Variants in EPHB2 observed in about 807,000 individuals in gnomAD.
The protein encoded by EPHB2 is EPH receptor B2, also known as ephrin type-B receptor 2.
In EPHB2, 18 loss-of-function variants were observed where a neutral mutation model predicts 96.4. The ratio of observed to expected loss-of-function variants is 0.19; its 90% CI spans 0.13 to 0.28. The LOEUF is 0.28. Ranked by LOEUF, EPHB2 falls within the 10% of genes least tolerant of loss-of-function variation. The probability of loss-of-function intolerance (pLI) is 1.00; values close to 1 mark genes in which losing one functional copy is unlikely to be tolerated. For synonymous variants in EPHB2, 506 were observed against 534.1 expected (o/e 0.95, Z 0.72); for missense variants, 989 against 1,355.4 (o/e 0.73, Z 4.25).
At position 22,758,198 on chromosome 1, in the gene EPHB2, G is replaced by A. The variant is rs376768660; in HGVS notation, c.62-23223G>A. Among the ~76,000 whole-genome samples, 14 of 151,262 alleles carry A rather than the reference G, an allele frequency of 9.3e-5. 1 individual carries two copies. Among genetic ancestry groups the A allele is most frequent in the African/African-American group, 3.4e-4 (14 of 41,314 alleles). ...CTCCCAAAGTGCTGGGATTACAGGC[G>A]TGAGCCACCGCGCCCGGCCTAAGTT... On this transcript the variant is annotated intron_variant, in intron 1 of 15. Coordinates refer to ENST00000374630, the MANE Select transcript of EPHB2 (RefSeq NM_017449.5).
At chr1:22,887,890 C>G (rs1249277123) in intron 6 of EPHB2, among the ~76,000 whole-genome samples, 1 of 152,168 alleles carries the variant, frequency 6.6e-6, no homozygotes, top group East Asian at 1.9e-4. Flanking sequence ...TATGAAAGTT[C>G]AGGCCATATT....
intron 5 of EPHB2, among the ~76,000 whole-genome samples, chr1:22,865,483 G>A (rs979437757): frequency 1.4e-4 from 21 of 152,256 alleles, no homozygotes; most frequent in Admixed American, 1.1e-3. Flanking sequence ...ACTTAAAGGA[G>A]TGGAATGTAT....
chr1:22,834,401 G>T (rs1231468918), intron 3 of EPHB2, among the ~76,000 whole-genome samples: 1 of 152,154 alleles, frequency 6.6e-6, no homozygotes, highest in Non-Finnish European at 1.5e-5. Flanking sequence ...ACAATTCCAT[G>T]ACTTCGGACG....
chr1:22,808,439 C>T (rs1461301458), intron 3 of EPHB2, among the ~76,000 whole-genome samples: 1 of 152,210 alleles, frequency 6.6e-6, no homozygotes, highest in African/African-American at 2.4e-5. Flanking sequence ...TCTCCCTTCC[C>T]GGGCACAGGG....
intron 3 of EPHB2, among the ~76,000 whole-genome samples, chr1:22,853,632 A>G (rs1407438764): frequency 1.3e-5 from 2 of 152,258 alleles, no homozygotes; most frequent in Non-Finnish European, 2.9e-5. Context: ...GAGCTGGGAC[A>G]GCATATGAGG....
chr1:22,896,588 G>A (rs1639571858), intron 9 of EPHB2, 110 bp downstream of exon 9: 2 of 1,439,366 alleles, frequency 1.4e-6, no homozygotes, highest in Non-Finnish European at 1.9e-6. Context: ...GGCAGACAAT[G>A]TCAAGTGGTT....
intron 1 of EPHB2, among the ~76,000 whole-genome samples, chr1:22,769,898 G>T (rs1185854885): frequency 1.3e-5 from 2 of 152,194 alleles, no homozygotes; most frequent in Non-Finnish European, 2.9e-5. Flanking sequence ...GGTTGCTTCA[G>T]AGGAAGGGAA....
chr1:22,818,446 T>C (rs1570333634), intron 3 of EPHB2, among the ~76,000 whole-genome samples: 1 of 152,134 alleles, frequency 6.6e-6, no homozygotes, highest in Non-Finnish European at 1.5e-5. Flanking sequence ...GCCTGCCCTC[T>C]TCCCCATCCA....
At chr1:22,890,526 A>G (rs74061066) in intron 6 of EPHB2, among the ~76,000 whole-genome samples, 9,471 of 151,068 alleles carry the variant, frequency 0.063, 962 homozygotes, top group African/African-American at 0.21. Context: ...AGGCATGCAC[A>G]TCTTTGTCTG....
intron 1 of EPHB2, among the ~76,000 whole-genome samples, chr1:22,777,554 T>C (rs1173975663): frequency 1.3e-5 from 2 of 152,170 alleles, no homozygotes; most frequent in Non-Finnish European, 2.9e-5. Context: ...CAATAACTAT[T>C]AACTCCAGAT....
intron 1 of EPHB2, among the ~76,000 whole-genome samples, chr1:22,714,131 G>A (rs1643232619): frequency 6.6e-6 from 1 of 152,178 alleles, no homozygotes; most frequent in South Asian, 2.1e-4. Context: ...GGACTCCGGG[G>A]CAGGCAAGGA....
At chr1:22,849,136 A>G (rs1261046941) in intron 3 of EPHB2, among the ~76,000 whole-genome samples, 2 of 152,126 alleles carry the variant, frequency 1.3e-5, no homozygotes, top group African/African-American at 2.4e-5. Flanking sequence ...CCCCACTCCC[A>G]CTGCTGCTGC....
intron 1 of EPHB2, among the ~76,000 whole-genome samples, chr1:22,727,502 T>C (rs1003604049): frequency 6.6e-6 from 1 of 152,156 alleles, no homozygotes; most frequent in African/African-American, 2.4e-5. Context: ...AGCTCTTCCA[T>C]CGAGCCTGGA....
At chr1:22,776,198 G>A (rs1224317477) in intron 1 of EPHB2, among the ~76,000 whole-genome samples, 1 of 152,120 alleles carries the variant, frequency 6.6e-6, no homozygotes, top group Non-Finnish European at 1.5e-5. Flanking sequence ...ACCCCGCTGT[G>A]GCTCAGCTCA....
At chr1:22,744,327 C>T (rs1052691362) in intron 1 of EPHB2, among the ~76,000 whole-genome samples, 1 of 151,904 alleles carries the variant, frequency 6.6e-6, no homozygotes. Flanking sequence ...GTTGAAAATC[C>T]ACATATAACA....
chr1:22,772,735 G>T (rs1557664905), intron 1 of EPHB2, among the ~76,000 whole-genome samples: 1 of 152,176 alleles, frequency 6.6e-6, no homozygotes, highest in African/African-American at 2.4e-5. Flanking sequence ...ACTTGGGGCA[G>T]ATCTCTGAGC....
chr1:22,892,418 A>T, intron 6 of EPHB2, among the ~76,000 whole-genome samples: 1 of 152,202 alleles, frequency 6.6e-6, no homozygotes, highest in East Asian at 1.9e-4. Context: ...ACAAGTGGCT[A>T]TTTTTCTTGA....
intron 1 of EPHB2, among the ~76,000 whole-genome samples, chr1:22,755,435 G>C (rs1644134358): frequency 6.6e-6 from 1 of 152,200 alleles, no homozygotes; most frequent in African/African-American, 2.4e-5. Flanking sequence ...ACTGAGGTCT[G>C]AAGAAAGAAG....
chr1:22,780,548 T>C lies in EPHB2; in HGVS notation c.62-873T>C, dbSNP rs550262451. Among the ~76,000 whole-genome samples the C allele has an allele frequency of 6.6e-5, 10 of 152,268 alleles. No individual in the cohort carries two copies. In the East Asian group the frequency reaches 1.9e-3, roughly 29 times the overall value. On this transcript the variant is annotated intron_variant, in intron 1 of 15. Transcript: ENST00000374630. ...AGGGAGAGTGTCCTGACAAGATGTG[T>C]GCGCCAGAGGAGCAACGAGGGGAAA... is the stretch of plus-strand genomic sequence containing the variant.
Sources: allele counts gnomAD v4.1 joint callset (sites outside exome capture counted in the v4.1 genomes callset), GRCh38; gene constraint gnomAD v4.1.1; transcripts MANE v1.5; gene names NCBI Gene and HGNC (gene_info 2026-07-23, HGNC 2026-07-21).